OR1S1: variants seen among roughly 807,000 people sequenced by gnomAD.
OR1S1 encodes olfactory receptor 1S1.
For missense variants in OR1S1, 411 were observed against 367.5 expected (o/e 1.12, Z -0.97); for synonymous variants, 156 against 143.9 (o/e 1.08, Z -0.60).
intron 1 of OR1S1, among the ~76,000 whole-genome samples, chr11:58,213,718 A>G (rs113180003): frequency 0.092 from 14,037 of 152,256 alleles, 719 homozygotes; most frequent in Middle Eastern, 0.13. Context: ...CTTGTGCCTT[A>G]TATGTGGCAG....
intron 1 of OR1S1, among the ~76,000 whole-genome samples, chr11:58,214,445 A>T (rs1852891120): frequency 6.6e-6 from 1 of 152,208 alleles, no homozygotes. Context: ...GCAGGTGTAT[A>T]TAACATGTTT....
At position 58,215,912 on chromosome 11, in the gene OR1S1, G is replaced by A; in HGVS notation, c.*190G>A. 6.0e-6 allele frequency: 4 copies of A among 668,690 alleles called. No individual in the cohort carries two copies. In the South Asian group the frequency reaches 8.1e-5, roughly 13 times the overall value. 41.4% of individuals were successfully genotyped at this position (668,690 alleles called of 1,614,324 possible). ...GGAAACAAAACCTGTAACTGCCATG[G>A]TAAGTCACAAGAATAACACGCATCC... On this transcript the variant is annotated 3_prime_UTR_variant, in exon 2 of 2. Coordinates refer to ENST00000641544, the Ensembl canonical transcript of OR1S1.
chr11:58,212,808 G>T (rs1854973088), exon 1 of OR1S1: 1 of 152,268 alleles, frequency 6.6e-6, no homozygotes, highest in Non-Finnish European at 1.5e-5. Flanking sequence ...GTCACCTTAA[G>T]AATTCAGAAC....
intron 1 of OR1S1, among the ~76,000 whole-genome samples, chr11:58,213,700 A>T (rs1289285566): frequency 6.6e-6 from 1 of 152,238 alleles, no homozygotes; most frequent in Non-Finnish European, 1.5e-5. Flanking sequence ...TGCCATAGAT[A>T]CTAGCAGCTT....
exon 2 of OR1S1, chr11:58,215,784 T>A: frequency 6.5e-7 from 1 of 1,548,836 alleles, no homozygotes; most frequent in Non-Finnish European, 8.7e-7. Flanking sequence ...GCCCAGAGCG[T>A]ATGGCACAGT....
At chr11:58,215,505 G>T in exon 2 of OR1S1, 2 of 1,614,126 alleles carry the variant, frequency 1.2e-6, no homozygotes, top group South Asian at 1.1e-5. Flanking sequence ...TTCTCCACTT[G>T]TGGCTCTCAC....
At chr11:58,214,830 G>A (rs2120063877) in exon 2 of OR1S1, 1 of 1,614,040 alleles carries the variant, frequency 6.2e-7, no homozygotes, top group Non-Finnish European at 8.5e-7. Context: ...ATTCTCCTGG[G>A]ATTTTTCAAG....
exon 2 of OR1S1, chr11:58,215,087 T>C: frequency 1.2e-6 from 2 of 1,614,200 alleles, no homozygotes; most frequent in Non-Finnish European, 8.5e-7. Flanking sequence ...CACACAGATG[T>C]ACTTTTCTAT....
At chr11:58,213,661 G>A (rs927784554) in intron 1 of OR1S1, among the ~76,000 whole-genome samples, 26 of 152,158 alleles carry the variant, frequency 1.7e-4, no homozygotes, top group African/African-American at 6.3e-4. Context: ...AACAGGAGTG[G>A]GAAAAAAGGC....
At chr11:58,215,674 G>A (rs1263816515) in exon 2 of OR1S1, 1 of 1,613,902 alleles carries the variant, frequency 6.2e-7, no homozygotes, top group Middle Eastern at 1.7e-4. Context: ...ATAAGGATAT[G>A]AAAGGTGCCC....
exon 2 of OR1S1, chr11:58,215,523 T>C (rs1043182203): frequency 6.2e-7 from 1 of 1,614,118 alleles, no homozygotes; most frequent in Non-Finnish European, 8.5e-7. Flanking sequence ...CACCTGACAG[T>C]TGTATTACTG....
At chr11:58,214,784 A>G in exon 2 of OR1S1, 1 of 1,613,886 alleles carries the variant, frequency 6.2e-7, no homozygotes, top group South Asian at 1.1e-5. Context: ...CGGCAGAAAT[A>G]TGCATCAAGG....
intron 1 of OR1S1, among the ~76,000 whole-genome samples, chr11:58,213,178 G>A (rs1854976228): frequency 6.6e-6 from 1 of 152,200 alleles, no homozygotes; most frequent in African/African-American, 2.4e-5. Context: ...AAATCTTTGA[G>A]AGATAAGTGA....
chr11:58,215,991 G>A, exon 2 of OR1S1: 1 of 434,376 alleles, frequency 2.3e-6, no homozygotes, highest in South Asian at 4.1e-5. Context: ...ATGGAATGGA[G>A]GTGATGAGTT....
chr11:58,213,636 A>T (rs947950826), intron 1 of OR1S1, among the ~76,000 whole-genome samples: 31 of 152,292 alleles, frequency 2.0e-4, no homozygotes, highest in African/African-American at 7.2e-4. Flanking sequence ...CAGTTTTATC[A>T]GGTCAAGGAG....
chr11:58,215,089 C>A lies in OR1S1; in HGVS notation c.306C>A (p.Tyr102Ter), dbSNP rs1374095127. ...ATGAGAGCTGCATCACACAGATGTA[C>A]TTTTCTATTGTGTTTGTCGTCATTG... is the stretch of plus-strand genomic sequence containing the variant. Residue 102 changes from tyrosine (Y) to a stop codon, truncating the protein, a stop_gained, in exon 2 of 2, where the codon TAC becomes TAA. Coordinates refer to ENST00000641544, the Ensembl canonical transcript of OR1S1. LOFTEE classifies it low-confidence loss of function (END_TRUNC). 1 of 1,614,072 alleles carries A rather than the reference C, an allele frequency of 6.2e-7. No homozygotes were observed. Among genetic ancestry groups the A allele is most frequent in the African/African-American group, 1.3e-5 (1 of 74,926 alleles).
exon 2 of OR1S1, chr11:58,215,769 A>T: frequency 6.3e-7 from 1 of 1,575,542 alleles, no homozygotes; most frequent in Non-Finnish European, 8.6e-7. Flanking sequence ...CAGATAAATG[A>T]TTCAGCCCAG....
chr11:58,213,889 C>T (rs1357642397), intron 1 of OR1S1, among the ~76,000 whole-genome samples: 4 of 152,160 alleles, frequency 2.6e-5, no homozygotes, highest in Non-Finnish European at 5.9e-5. Context: ...TTGCTACAGC[C>T]TCCTCTGCCC....
rs773475988 is a variant in OR1S1, at chr11:58,215,043, C to G, written c.260C>G (p.Thr87Ser). ...CCCAAAATGCTGGTGAATATTCAAA[C>G]CAAGAGTCAATCCATCTCTTATGAG... The change falls in exon 2 of 2, where the codon ACC becomes AGC. Residue 87 changes from threonine (T) to serine (S), a missense_variant. By Grantham distance (58) the Thr-to-Ser change is moderately conservative (BLOSUM62 1). Coordinates refer to ENST00000641544, the Ensembl canonical transcript of OR1S1. 3 of 1,614,140 alleles carry G rather than the reference C, an allele frequency of 1.9e-6. No homozygotes were observed. The South Asian group carries it at 3.3e-5, about 18-fold the overall frequency.
Sources: allele counts gnomAD v4.1 joint callset (sites outside exome capture counted in the v4.1 genomes callset), GRCh38; gene constraint gnomAD v4.1.1; transcripts MANE v1.5; gene names NCBI Gene and HGNC (gene_info 2026-07-23, HGNC 2026-07-21).